The following RCOR3 variants were observed in gnomAD, a reference collection of about 807,000 sequenced individuals.
The protein encoded by RCOR3 is REST corepressor 3.
Under a neutral mutation model 64.1 loss-of-function variants are expected in RCOR3, and 13 were observed. That is an observed-to-expected ratio of 0.20 (90% confidence interval 0.13 to 0.32). RCOR3 has a LOEUF of 0.32. RCOR3 is among the 10% of genes least tolerant of loss of function. The pLI, the probability that RCOR3 is intolerant of heterozygous loss-of-function variation, is 1.00. For synonymous variants in RCOR3, 215 were observed against 239.0 expected, an observed-to-expected ratio of 0.90 and a Z score of 0.93; for missense variants, 489 against 701.2, an observed-to-expected ratio of 0.70 and a Z score of 3.42.
intron 10 of RCOR3, among the ~76,000 whole-genome samples, chr1:211,311,609 A>G (rs2102680085): frequency 6.6e-6 from 1 of 152,298 alleles, no homozygotes; most frequent in East Asian, 1.9e-4. Context: ...ACATATCCAT[A>G]TATTATTCTC....
chr1:211,281,653 A>G (rs1697828328), intron 7 of RCOR3, among the ~76,000 whole-genome samples: 1 of 152,190 alleles, frequency 6.6e-6, no homozygotes, highest in Admixed American at 6.5e-5. Flanking sequence ...TATGTCGTTT[A>G]GTTCCCTGGC....
intron 2 of RCOR3, among the ~76,000 whole-genome samples, chr1:211,265,939 A>G (rs1206686844): frequency 6.6e-6 from 1 of 152,152 alleles, no homozygotes; most frequent in Non-Finnish European, 1.5e-5. Context: ...GATTTGGAAT[A>G]CATGAGAGAT....
At chr1:211,292,663 A>G (rs1418501158) in intron 8 of RCOR3, among the ~76,000 whole-genome samples, 1 of 151,936 alleles carries the variant, frequency 6.6e-6, no homozygotes, top group East Asian at 1.9e-4. Context: ...GTTCTTCCAC[A>G]CTCACCATAG....
intron 2 of RCOR3, among the ~76,000 whole-genome samples, chr1:211,267,550 C>T (rs936001258): frequency 1.3e-5 from 2 of 152,186 alleles, no homozygotes; most frequent in African/African-American, 4.8e-5. Context: ...CAGTTTCTGT[C>T]AGATGGGGCC....
At chr1:211,278,989 C>T (rs1697392404) in intron 6 of RCOR3, among the ~76,000 whole-genome samples, 1 of 152,042 alleles carries the variant, frequency 6.6e-6, no homozygotes, top group African/African-American at 2.4e-5. Context: ...AGGTTTAAGA[C>T]CAGCCTGGCC....
rs1229059854 is a variant in RCOR3 at position 211,299,006 on chromosome 1, C to CA, written c.1017+3264dup. Among the ~76,000 whole-genome samples, 868 of 128,846 alleles carry CA rather than the reference C, an allele frequency of 6.7e-3. 6 individuals carry two copies. Among genetic ancestry groups the CA allele is most frequent in the African/African-American group, 0.021 (730 of 34,690 alleles). 84.5% of individuals were successfully genotyped at this position (128,846 alleles called of 152,430 possible). On this transcript the variant is annotated intron_variant, in intron 9 of 11. Coordinates refer to ENST00000419091, the MANE Select transcript of RCOR3 (RefSeq NM_001136223.3). ...TGGGTGACAGAGTGAGACTCCGTCTCAAAAAAAAAAAGAAAAGAAAGCCAG... is the reference window on the plus strand; with the variant it reads ...TGGGTGACAGAGTGAGACTCCGTCTCAAAAAAAAAAAAGAAAAGAAAGCCAG...
chr1:211,259,658 C>T lies in RCOR3; in HGVS notation c.98C>T (p.Ala33Val), dbSNP rs1169666544. Reference sequence around the variant, plus strand: ...CCGGCAGGCGGCGGCGGCAGCGGCGCCTCGTCCACCAACGGCGGGCTGCAC... The same window carrying T: ...CCGGCAGGCGGCGGCGGCAGCGGCGTCTCGTCCACCAACGGCGGGCTGCAC... ...KSPAGGGGSGASSTNGGLHYS... is the reference protein window; with the variant it reads ...KSPAGGGGSGVSSTNGGLHYS... Residue 33 changes from alanine (A) to valine (V), a missense_variant, in exon 1 of 12, where the codon GCC becomes GTC. Coordinates refer to ENST00000419091, the MANE Select transcript of RCOR3 (RefSeq NM_001136223.3). 6.5e-7 allele frequency: 1 copy of T among 1,547,000 alleles called. No homozygotes were observed. Among genetic ancestry groups the T allele is most frequent in the Non-Finnish European group, 8.7e-7 (1 of 1,145,330 alleles).
intron 7 of RCOR3, among the ~76,000 whole-genome samples, chr1:211,284,251 T>G (rs866656825): frequency 2.6e-5 from 4 of 151,666 alleles, no homozygotes; most frequent in Non-Finnish European, 4.4e-5. Context: ...TTGTTTGTTT[T>G]TTGTATTTTT....
chr1:211,259,766 C>T, intron 1 of RCOR3, 40 bp downstream of exon 1: 1 of 1,407,722 alleles, frequency 7.1e-7, no homozygotes, highest in Non-Finnish European at 9.3e-7. Context: ...CCGCCTGCCC[C>T]CCTCCCTCTT....
intron 9 of RCOR3, among the ~76,000 whole-genome samples, chr1:211,300,906 A>ACG (rs1192635211): frequency 3.3e-5 from 5 of 151,828 alleles, no homozygotes; most frequent in Admixed American, 2.0e-4. Context: ...TCTAGTGTGT[A>ACG]TGCGTGCGTG....
chr1:211,280,108 T>C (rs1697570708), intron 7 of RCOR3, among the ~76,000 whole-genome samples: 2 of 152,230 alleles, frequency 1.3e-5, no homozygotes, highest in South Asian at 4.1e-4. Flanking sequence ...CTTTTTATAG[T>C]ACCCAGGACA....
intron 5 of RCOR3, 41 bp downstream of exon 5, chr1:211,276,459 A>G: frequency 5.2e-6 from 8 of 1,539,840 alleles, no homozygotes; most frequent in Non-Finnish European, 7.1e-6. Flanking sequence ...TATGTGAATG[A>G]TATCTTAAGC....
intron 2 of RCOR3, among the ~76,000 whole-genome samples, chr1:211,262,069 A>G (rs1694420412): frequency 1.3e-5 from 1 of 74,074 alleles, no homozygotes; most frequent in Admixed American, 2.4e-4. Flanking sequence ...GTGAAGTCTT[A>G]CTCTGTCGCC....
At chr1:211,280,977 T>TC (rs911042262) in intron 7 of RCOR3, among the ~76,000 whole-genome samples, 5 of 86,646 alleles carry the variant, frequency 5.8e-5, no homozygotes, top group Non-Finnish European at 1.2e-4. Flanking sequence ...AGAGCGAAAC[T>TC]CCATCTCAAA....
At chr1:211,263,335 AT>A (rs1694681572) in intron 2 of RCOR3, among the ~76,000 whole-genome samples, 1 of 152,096 alleles carries the variant, frequency 6.6e-6, no homozygotes, top group Non-Finnish European at 1.5e-5. Context: ...TGACGATAAT[AT>A]TTTGCCTATT....
At chr1:211,282,057 ATATATG>A (rs1697885971) in intron 7 of RCOR3, among the ~76,000 whole-genome samples, 1 of 152,298 alleles carries the variant, frequency 6.6e-6, no homozygotes, top group Non-Finnish European at 1.5e-5. Flanking sequence ...ATATGTATGT[ATATATG>A]TATGTGTATA....
chr1:211,271,190 A>G (rs1696136418), intron 2 of RCOR3, 42 bp from the exon 3 acceptor site: 3 of 1,559,566 alleles, frequency 1.9e-6, no homozygotes, highest in Non-Finnish European at 2.6e-6. Context: ...TTCAGTGTAA[A>G]TAAAATCCAT....
chr1:211,291,790 G>A lies in RCOR3; in HGVS notation c.939+2394G>A, dbSNP rs113269078. ...CCCTTTCTAATCTAGCTTCTGCCCCGTATGGTATTCCAGTTCTACTGAAAC... is the reference window on the plus strand; with the variant it reads ...CCCTTTCTAATCTAGCTTCTGCCCCATATGGTATTCCAGTTCTACTGAAAC... On this transcript the variant is annotated intron_variant, in intron 8 of 11. Transcript: ENST00000419091. Among the ~76,000 whole-genome samples the A allele has an allele frequency of 2.7e-3, 415 of 152,044 alleles. 3 individuals are homozygous for A. The highest frequency in any genetic ancestry group is 9.2e-3 in the African/African-American group (381 of 41,462).
intron 6 of RCOR3, 48 bp from the exon 7 acceptor site, chr1:211,279,190 A>T: frequency 3.7e-6 from 3 of 816,666 alleles, no homozygotes; most frequent in Non-Finnish European, 5.2e-6. Flanking sequence ...GCTGTCTTAA[A>T]AAAAAAAAAA....
Sources: allele counts gnomAD v4.1 joint callset (sites outside exome capture counted in the v4.1 genomes callset), GRCh38; gene constraint gnomAD v4.1.1; transcripts MANE v1.5; gene names NCBI Gene and HGNC (gene_info 2026-07-23, HGNC 2026-07-21).